The following DOCK3 variants were observed in gnomAD, a reference collection of about 807,000 sequenced individuals.
DOCK3 encodes dedicator of cytokinesis protein 3.
DOCK3 carries 60 observed loss-of-function variants against 265.6 expected under a neutral mutation model. That is an observed-to-expected ratio of 0.23 (90% CI 0.18 to 0.28). The LOEUF (loss-of-function observed/expected upper bound fraction) is 0.28. DOCK3 is among the 10% of genes least tolerant of loss of function. DOCK3 has a pLI of 1.00. For synonymous variants in DOCK3, 881 were observed against 938.0 expected (o/e 0.94, Z 1.11); for missense variants, 1,981 against 2,594.3 (o/e 0.76, Z 5.14).
At chr3:50,930,127 G>A (rs185472630) in intron 4 of DOCK3, among the ~76,000 whole-genome samples, 459 of 152,260 alleles carry the variant, frequency 3.0e-3, no homozygotes, top group African/African-American at 0.011. Context: ...CTTTAAAATA[G>A]GAACACTCTA....
chr3:50,696,869 G>T (rs1172511574), intron 1 of DOCK3, among the ~76,000 whole-genome samples: 44 of 151,200 alleles, frequency 2.9e-4, no homozygotes, highest in Non-Finnish European at 1.5e-5. Context: ...TCTACATTGT[G>T]TGTATACTTT....
chr3:51,335,240 AAAAAAAAAAGAAAAAGCC>A (rs888872626), intron 35 of DOCK3, among the ~76,000 whole-genome samples: 3 of 151,996 alleles, frequency 2.0e-5, no homozygotes, highest in African/African-American at 7.2e-5. Context: ...TATAATTTAA[AAAAAAAAAAGAAAAAGCC>A]AAAAAAAAAG....
chr3:50,679,363 A>G (rs994887906), intron 1 of DOCK3, among the ~76,000 whole-genome samples: 3 of 152,116 alleles, frequency 2.0e-5, no homozygotes, highest in African/African-American at 7.2e-5. Context: ...CTCATTACCA[A>G]TCTGAAGACC....
At chr3:51,180,327 G>C (rs1245727311) in intron 12 of DOCK3, among the ~76,000 whole-genome samples, 2 of 151,846 alleles carry the variant, frequency 1.3e-5, no homozygotes, top group Middle Eastern at 3.2e-3. Flanking sequence ...TTAGTTTTCT[G>C]TGGCTTCTGT....
chr3:50,933,682 G>T (rs1271270520), intron 4 of DOCK3, among the ~76,000 whole-genome samples: 2 of 151,918 alleles, frequency 1.3e-5, no homozygotes, highest in Non-Finnish European at 2.9e-5. Flanking sequence ...GTAGTATCAT[G>T]GTTTTTCATT....
intron 5 of DOCK3, among the ~76,000 whole-genome samples, chr3:50,983,325 A>G (rs1020806094): frequency 6.6e-6 from 1 of 152,078 alleles, no homozygotes; most frequent in Non-Finnish European, 1.5e-5. Context: ...CCCCACCTTC[A>G]GGCTAGGGAG....
chr3:51,211,309 A>G (rs867470588), intron 13 of DOCK3, among the ~76,000 whole-genome samples: 1 of 152,124 alleles, frequency 6.6e-6, no homozygotes, highest in African/African-American at 2.4e-5. Context: ...TCAGGTAATC[A>G]GTGAGACCAG....
At chr3:50,814,433 AT>A (rs11362223) in intron 2 of DOCK3, among the ~76,000 whole-genome samples, 144,196 of 149,150 alleles carry the variant, frequency 0.97, 69,876 homozygotes, top group Middle Eastern at 1. Context: ...TGCCAGACTA[AT>A]TTTTTTTTTT....
intron 2 of DOCK3, among the ~76,000 whole-genome samples, chr3:50,820,183 T>C (rs996967233): frequency 6.6e-6 from 1 of 152,204 alleles, no homozygotes; most frequent in Admixed American, 6.5e-5. Context: ...GTTCTTTTAT[T>C]CCTTTATTTT....
chr3:50,918,341 T>C (rs953901189), intron 4 of DOCK3, among the ~76,000 whole-genome samples: 4 of 152,186 alleles, frequency 2.6e-5, no homozygotes, highest in Non-Finnish European at 5.9e-5. Flanking sequence ...CCACACTGTC[T>C]TCCATAATGG....
intron 35 of DOCK3, among the ~76,000 whole-genome samples, chr3:51,334,574 G>C (rs186047998): frequency 1.1e-4 from 16 of 152,208 alleles, no homozygotes; most frequent in African/African-American, 3.6e-4. Context: ...AGCTATGCTT[G>C]TGTGAACTTT....
intron 12 of DOCK3, among the ~76,000 whole-genome samples, chr3:51,175,167 G>T (rs2086875190): frequency 6.6e-6 from 1 of 152,172 alleles, no homozygotes; most frequent in Non-Finnish European, 1.5e-5. Context: ...CTTCAGGCTT[G>T]CCTCCAGTGG....
chr3:51,153,550 C>A (rs1319105097), intron 10 of DOCK3, among the ~76,000 whole-genome samples: 1 of 152,156 alleles, frequency 6.6e-6, no homozygotes, highest in Non-Finnish European at 1.5e-5. Flanking sequence ...GAACCAGGTA[C>A]CTTAGTTGGA....
intron 1 of DOCK3, among the ~76,000 whole-genome samples, chr3:50,680,821 T>A (rs1056045754): frequency 6.6e-6 from 1 of 152,102 alleles, no homozygotes; most frequent in African/African-American, 2.4e-5. Context: ...TACTTTTTAA[T>A]GGGATTATTT....
chr3:51,111,880 T>C (rs1315752774), intron 9 of DOCK3, among the ~76,000 whole-genome samples: 1 of 151,580 alleles, frequency 6.6e-6, no homozygotes, highest in African/African-American at 2.4e-5. Context: ...AACTTCAATA[T>C]AAAGTAGGCA....
chr3:50,893,636 A>G (rs1325007460), intron 4 of DOCK3, among the ~76,000 whole-genome samples: 1 of 152,026 alleles, frequency 6.6e-6, no homozygotes, highest in Non-Finnish European at 1.5e-5. Context: ...CAAGCAAACC[A>G]ATATGCTCAA....
In DOCK3 at chr3:50,675,246, GCCGCGCCCGGCACGGCCATGTGGACC is replaced by G; in HGVS notation, c.-15_11del. The G allele has an allele frequency of 8.4e-7, 1 of 1,189,308 alleles. No homozygotes were observed. The highest frequency in any genetic ancestry group is 1.1e-6 in the Non-Finnish European group (1 of 951,852). The allele number at this position is 1,189,308 out of a possible 1,614,324, so 73.7% of individuals were successfully genotyped here. On this transcript the variant is annotated start_lost and 5_prime_UTR_variant, in exon 1 of 53. Coordinates refer to ENST00000266037, the MANE Select transcript of DOCK3 (RefSeq NM_004947.5). The surrounding 1 kb of genome is among the most constrained non-coding windows in gnomAD (Gnocchi z 6.1). ...GTCGCCCGGTCGCCGCGCCCGCGGG[GCCGCGCCCGGCACGGCCATGTGGACC>G]CCCACGGAGGAGGAGAAATACGGCG...
In DOCK3 at chr3:51,188,809, G is replaced by A. The variant is rs1368869675; in HGVS notation, c.1038-19965G>A. On this transcript the variant is annotated intron_variant, in intron 12 of 52. Transcript: ENST00000266037. ...TGTCGGGGGATGTGGGGGTGTGGGT[G>A]TGTGTATCACATTTTCTTTTCTTAT... Among the ~76,000 whole-genome samples, 7 of 71,768 alleles carry A rather than the reference G, an allele frequency of 9.8e-5. 2 individuals carry two copies. The highest frequency in any genetic ancestry group is 4.5e-4 in the African/African-American group (7 of 15,682). 47.1% of individuals were successfully genotyped at this position (71,768 alleles called of 152,430 possible).
intron 1 of DOCK3, among the ~76,000 whole-genome samples, chr3:50,707,596 A>G (rs945329363): frequency 6.6e-6 from 1 of 152,038 alleles, no homozygotes; most frequent in African/African-American, 2.4e-5. Context: ...AACTGCGGTG[A>G]GTCTTTGGTG....
Sources: allele counts gnomAD v4.1 joint callset (sites outside exome capture counted in the v4.1 genomes callset), GRCh38; gene constraint gnomAD v4.1.1; non-coding constraint Gnocchi (gnomAD v3.1); transcripts MANE v1.5; gene names NCBI Gene and HGNC (gene_info 2026-07-23, HGNC 2026-07-21).